Variants in ADAMTSL3 observed in about 807,000 individuals in gnomAD.
The protein encoded by ADAMTSL3 is ADAMTS-like protein 3.
In ADAMTSL3, 128 loss-of-function variants were observed where a neutral mutation model predicts 201.7. The observed-to-expected ratio is 0.63, with a 90% CI of 0.55 to 0.73. The LOEUF (loss-of-function observed/expected upper bound fraction) is 0.73. ADAMTSL3 is among the 30% of genes least tolerant of loss of function. ADAMTSL3 has a pLI of 0.00. For missense variants in ADAMTSL3, 1,990 were observed against 2,119.6 expected, an observed-to-expected ratio of 0.94 and a Z score of 1.20; for synonymous variants, 738 against 748.4, an observed-to-expected ratio of 0.99 and a Z score of 0.23.
chr15:83,858,202 C>A lies in ADAMTSL3; in HGVS notation c.728-564C>A, dbSNP rs138957299. The stretch of plus-strand genomic sequence containing the variant: ...GATGTGGCTAGATTTGGCCCAGGGG[C>A]CACAGTTTGCAGACCCTCATCAAAG... On this transcript the variant is annotated intron_variant, in intron 7 of 29. Coordinates refer to ENST00000286744, the MANE Select transcript of ADAMTSL3 (RefSeq NM_207517.3). Among the ~76,000 whole-genome samples the A allele has an allele frequency of 2.0e-5, 3 of 152,270 alleles. No individual in the cohort carries two copies. The East Asian group carries it at 5.8e-4, about 29-fold the overall frequency.
At position 84,021,511 on chromosome 15, in the gene ADAMTSL3, G is replaced by A. The variant is rs868040988; in HGVS notation, c.4375G>A (p.Glu1459Lys). Residue 1459 changes from glutamate (E) to lysine (K), a missense_variant, in exon 26 of 30, where the codon GAA (glutamate) becomes AAA (lysine). Glu to Lys is a moderately conservative substitution (Grantham distance 56). Transcript: ENST00000286744. ...RPQCVMANGQ[E>K]VSEALCDHLQ... ...CCAGTGTGTGATGGCCAATGGGCAGGAAGTGAGTGAGGCCCTGTGTGATCA... is the reference window on the plus strand; with the variant it reads ...CCAGTGTGTGATGGCCAATGGGCAGAAAGTGAGTGAGGCCCTGTGTGATCA... 2 of 1,614,184 alleles carry A rather than the reference G, an allele frequency of 1.2e-6. No individual in the cohort carries two copies. Among genetic ancestry groups the A allele is most frequent in the Non-Finnish European group, 1.7e-6 (2 of 1,180,034 alleles).
At chr15:83,798,813 AAAAAAAAAAAAC>A (rs1171796354) in intron 4 of ADAMTSL3, among the ~76,000 whole-genome samples, 1 of 151,120 alleles carries the variant, frequency 6.6e-6, no homozygotes, top group African/African-American at 2.4e-5. Context: ...TCTCAAAAAA[AAAAAAAAAAAAC>A]AAAAAAAAAG....
intron 23 of ADAMTSL3, among the ~76,000 whole-genome samples, chr15:84,000,949 C>G (rs1412931274): frequency 6.6e-6 from 1 of 152,016 alleles, no homozygotes; most frequent in Admixed American, 6.6e-5. Context: ...ATTTTATTGG[C>G]AAAGAGGAGA....
At chr15:83,875,353 T>C (rs2065158313) in intron 9 of ADAMTSL3, among the ~76,000 whole-genome samples, 1 of 152,214 alleles carries the variant, frequency 6.6e-6, no homozygotes, top group Admixed American at 6.5e-5. Flanking sequence ...CTGTGCTTAG[T>C]CACTGGCTAG....
rs1168502648 is a variant in ADAMTSL3 at position 83,903,917 on chromosome 15, CAAAAAAAAAAAAAAAAAAAAA to C, written c.1700+4193_1700+4213del. Among the ~76,000 whole-genome samples the C allele has an allele frequency of 8.0e-3, 154 of 19,262 alleles. 10 individuals carry two copies. The highest frequency in any genetic ancestry group is 8.6e-3 in the Non-Finnish European group (119 of 13,774). 12.6% of individuals were successfully genotyped at this position (19,262 alleles called of 152,430 possible). On this transcript the variant is annotated intron_variant, in intron 15 of 29. Transcript: ENST00000286744. ...TGGGTGACAGTGCCAGACTCCACAT[CAAAAAAAAAAAAAAAAAAAAA>C]AAAAAAGAAAAAAGAAAGAAAGAAA... is the stretch of plus-strand genomic sequence containing the variant.
chr15:84,013,647 A>G (rs1190378300), intron 23 of ADAMTSL3, among the ~76,000 whole-genome samples: 1 of 152,108 alleles, frequency 6.6e-6, no homozygotes, highest in Non-Finnish European at 1.5e-5. Context: ...GATGGCTTGC[A>G]CCTGTAGTCC....
chr15:83,767,984 G>A (rs1032330221), intron 3 of ADAMTSL3, among the ~76,000 whole-genome samples: 2 of 152,166 alleles, frequency 1.3e-5, no homozygotes, highest in South Asian at 4.1e-4. Flanking sequence ...ACAGTGGCTC[G>A]TAGATAGGGT....
intron 4 of ADAMTSL3, among the ~76,000 whole-genome samples, chr15:83,802,895 A>G (rs1438269099): frequency 6.6e-6 from 1 of 152,208 alleles, no homozygotes; most frequent in Non-Finnish European, 1.5e-5. Context: ...GAAAGGTAAT[A>G]TCGGCATAGC....
rs765204256 is a variant in ADAMTSL3, at chr15:83,970,537, G to T, written c.2544G>T (p.Arg848Ser). Reference sequence around the variant, plus strand: ...AGAGAAGAAAGCAGGTGTGTCAAAGGCTGGCAGCCAAAGGTCGGCGCATCC... The same window carrying T: ...AGAGAAGAAAGCAGGTGTGTCAAAGTCTGGCAGCCAAAGGTCGGCGCATCC... ...GIQRRKQVCQ[R>S]LAAKGRRIPL... is the part of the protein sequence containing the mutation. Residue 848 changes from arginine (R) to serine (S), a missense_variant, in exon 20 of 30, where the codon AGG (arginine) becomes AGT (serine). Transcript: ENST00000286744. 2.5e-6 allele frequency: 4 copies of T among 1,614,204 alleles called. No homozygotes were observed. In the South Asian group the frequency reaches 3.3e-5, roughly 13 times the overall value.
In ADAMTSL3 at chr15:83,714,761, C is replaced by CTT. The variant is rs1555433185; in HGVS notation, c.189+10254_189+10255insTT. Among the ~76,000 whole-genome samples, 12 of 41,494 alleles carry CTT rather than the reference C, an allele frequency of 2.9e-4. 2 individuals carry two copies. The Admixed American group carries it at 3.6e-3, about 12-fold the overall frequency. 27.2% of individuals were successfully genotyped at this position (41,494 alleles called of 152,430 possible). ...TTCTCCTTTTCCTTCCTTCCCTTTT[C>CTT]TCTTTCTTTCTTTCTTTCTTTCTTT... On this transcript the variant is annotated intron_variant, in intron 3 of 29. Transcript: ENST00000286744.
At chr15:83,740,461 A>T (rs1025617702) in intron 3 of ADAMTSL3, among the ~76,000 whole-genome samples, 1 of 152,238 alleles carries the variant, frequency 6.6e-6, no homozygotes, top group Non-Finnish European at 1.5e-5. Flanking sequence ...GAAATGAAAG[A>T]TGTAAGAGAA....
At chr15:83,891,286 A>G (rs1419319077) in intron 11 of ADAMTSL3, 43 bp from the exon 12 acceptor site, 8 of 1,465,012 alleles carry the variant, frequency 5.5e-6, no homozygotes, top group South Asian at 3.5e-5. Flanking sequence ...GAATGTGTTA[A>G]TTTATTATAG....
At chr15:83,745,899 C>T (rs935613347) in intron 3 of ADAMTSL3, among the ~76,000 whole-genome samples, 1 of 152,202 alleles carries the variant, frequency 6.6e-6, no homozygotes, top group Non-Finnish European at 1.5e-5. Flanking sequence ...GTGTCAGGTA[C>T]ATTATCAAAT....
At chr15:83,972,012 GTTTTT>G (rs1048029131) in intron 20 of ADAMTSL3, among the ~76,000 whole-genome samples, 1 of 151,172 alleles carries the variant, frequency 6.6e-6, no homozygotes. Flanking sequence ...AAATAATTAA[GTTTTT>G]TTTAAGTAGT....
intron 3 of ADAMTSL3, among the ~76,000 whole-genome samples, chr15:83,754,205 TG>T (rs1056581581): frequency 6.6e-6 from 1 of 152,134 alleles, no homozygotes; most frequent in Non-Finnish European, 1.5e-5. Context: ...AAATGTTCCC[TG>T]GGGGGCAAAA....
At chr15:83,761,367 T>C (rs1317008570) in intron 3 of ADAMTSL3, among the ~76,000 whole-genome samples, 2 of 152,220 alleles carry the variant, frequency 1.3e-5, no homozygotes, top group Non-Finnish European at 2.9e-5. Flanking sequence ...GCTTTTCTTT[T>C]AATTTACCTA....
intron 8 of ADAMTSL3, among the ~76,000 whole-genome samples, chr15:83,860,326 T>C (rs2064828372): frequency 6.6e-6 from 1 of 152,210 alleles, no homozygotes; most frequent in Non-Finnish European, 1.5e-5. Context: ...TATCAGTGAA[T>C]ATGGCCGATC....
At position 83,890,239 on chromosome 15, in the gene ADAMTSL3, C is replaced by T; in HGVS notation, c.1203C>T (p.Cys401=). 1 of 1,613,516 alleles carries T rather than the reference C, an allele frequency of 6.2e-7. No individual in the cohort carries two copies. Among genetic ancestry groups the T allele is most frequent in the Non-Finnish European group, 8.5e-7 (1 of 1,179,690 alleles). ...PKLKECSMDP[C]PSSDGFKEIM... ...TGAAGGAATGCAGCATGGATCCCTG[C>T]CCATCAAGGTTTGTGTCATTGTCCA... Residue 401 remains cysteine (C), a synonymous_variant, in exon 11 of 30, where the codon TGC becomes TGT. Coordinates refer to ENST00000286744, the MANE Select transcript of ADAMTSL3 (RefSeq NM_207517.3).
At chr15:83,687,832 A>C (rs193139558) in intron 2 of ADAMTSL3, among the ~76,000 whole-genome samples, 78 of 152,256 alleles carry the variant, frequency 5.1e-4, no homozygotes, top group African/African-American at 1.9e-3. Flanking sequence ...ATGGAGGAAA[A>C]CTGGAACAGC....
Sources: allele counts gnomAD v4.1 joint callset (sites outside exome capture counted in the v4.1 genomes callset), GRCh38; gene constraint gnomAD v4.1.1; transcripts MANE v1.5; gene names NCBI Gene and HGNC (gene_info 2026-07-23, HGNC 2026-07-21).